MEIS2: variants seen among roughly 807,000 people sequenced by gnomAD.
MEIS2 encodes the protein homeobox protein Meis2.
MEIS2 carries 9 observed loss-of-function variants against 58.6 expected under a neutral mutation model. That is an observed-to-expected ratio of 0.15 (90% CI 0.09 to 0.27). The LOEUF (loss-of-function observed/expected upper bound fraction) is 0.27. Among genes scored for constraint, MEIS2 ranks in the 10% least tolerant of loss-of-function variants. The pLI, the probability that MEIS2 is intolerant of heterozygous loss-of-function variation, is 1.00. For synonymous variants in MEIS2, 221 were observed against 228.4 expected, an observed-to-expected ratio of 0.97 and a Z score of 0.29; for missense variants, 427 against 635.0, an observed-to-expected ratio of 0.67 and a Z score of 3.52.
chr15:36,998,825 C>T (rs1472378939), intron 8 of MEIS2, among the ~76,000 whole-genome samples: 1 of 152,174 alleles, frequency 6.6e-6, no homozygotes, highest in Non-Finnish European at 1.5e-5. Context: ...AGAGATTCCC[C>T]TCCTAACTTA....
chr15:36,894,540 T>C (rs2056066124), intron 11 of MEIS2: 1 of 490,758 alleles, frequency 2.0e-6, no homozygotes, highest in South Asian at 2.4e-5. Flanking sequence ...TTTTCAAAAG[T>C]GCACATCAGT....
At chr15:36,983,719 A>G (rs902525222) in intron 8 of MEIS2, among the ~76,000 whole-genome samples, 3 of 152,080 alleles carry the variant, frequency 2.0e-5, no homozygotes, top group Non-Finnish European at 4.4e-5. Flanking sequence ...CAATGAATCC[A>G]TGGATTGCTT....
At chr15:36,910,873 T>A (rs944448242) in intron 9 of MEIS2, among the ~76,000 whole-genome samples, 2 of 152,006 alleles carry the variant, frequency 1.3e-5, no homozygotes, top group African/African-American at 4.8e-5. Context: ...AGTGAAACCC[T>A]GTCTCTACTA....
intron 7 of MEIS2, among the ~76,000 whole-genome samples, chr15:37,057,528 AT>A (rs1460447646): frequency 6.6e-6 from 1 of 151,934 alleles, no homozygotes; most frequent in African/African-American, 2.4e-5. Flanking sequence ...TACAAACTAC[AT>A]TTTTCCCCCA....
chr15:37,030,347 T>C (rs576600654), intron 8 of MEIS2, among the ~76,000 whole-genome samples: 14 of 152,220 alleles, frequency 9.2e-5, no homozygotes, highest in African/African-American at 3.4e-4. Flanking sequence ...TCTCTCCTAC[T>C]GAGGGGTATT....
chr15:37,096,580 G>T (rs2140096223), intron 2 of MEIS2, 150 bp from the exon 3 acceptor site: 1 of 921,560 alleles, frequency 1.1e-6, no homozygotes, highest in Non-Finnish European at 1.5e-6. Context: ...CCTCCATCAG[G>T]CGAGCCTAAG....
At chr15:36,950,450 G>GTCACT in intron 8 of MEIS2, 50 bp from the exon 9 acceptor site, 1 of 1,536,324 alleles carries the variant, frequency 6.5e-7, no homozygotes, top group Non-Finnish European at 9.0e-7. Flanking sequence ...TTAAGAAAGA[G>GTCACT]TCACTTACTT....
intron 8 of MEIS2, among the ~76,000 whole-genome samples, chr15:36,986,731 T>C (rs970873650): frequency 1.2e-4 from 19 of 152,192 alleles, no homozygotes; most frequent in Admixed American, 2.0e-4. Flanking sequence ...CCTTTTCCTT[T>C]TGTCCTCTCA....
At chr15:37,077,906 G>A (rs1435051983) in intron 7 of MEIS2, among the ~76,000 whole-genome samples, 2 of 152,030 alleles carry the variant, frequency 1.3e-5, no homozygotes, top group African/African-American at 2.4e-5. Context: ...CATCTAACAC[G>A]CCACCAGAGC....
At chr15:37,044,541 T>C (rs1288638649) in intron 7 of MEIS2, among the ~76,000 whole-genome samples, 1 of 152,216 alleles carries the variant, frequency 6.6e-6, no homozygotes, top group Non-Finnish European at 1.5e-5. Flanking sequence ...CCAAGGGATC[T>C]TTCAAGATTC....
intron 7 of MEIS2, among the ~76,000 whole-genome samples, chr15:37,077,707 T>C (rs910285603): frequency 3.3e-5 from 5 of 151,978 alleles, no homozygotes; most frequent in African/African-American, 1.2e-4. Context: ...ATCTGAATTC[T>C]TATACCGAGA....
chr15:37,055,066 A>G (rs1204514022), intron 7 of MEIS2, among the ~76,000 whole-genome samples: 2 of 152,182 alleles, frequency 1.3e-5, no homozygotes, highest in Non-Finnish European at 2.9e-5. Flanking sequence ...CAATTTGCCC[A>G]AGGTCTTATA....
At chr15:36,998,396 C>T (rs4464036) in intron 8 of MEIS2, among the ~76,000 whole-genome samples, 60,086 of 151,356 alleles carry the variant, frequency 0.4, 13,120 homozygotes, top group East Asian at 0.6. Flanking sequence ...AATTCTTTTA[C>T]TTTTTGTAGA....
chr15:36,923,076 T>C (rs2057587042), intron 9 of MEIS2, among the ~76,000 whole-genome samples: 1 of 152,206 alleles, frequency 6.6e-6, no homozygotes, highest in African/African-American at 2.4e-5. Flanking sequence ...GTCAATCTCC[T>C]TAGCAATAAT....
At chr15:37,040,268 C>T (rs1311570541) in intron 7 of MEIS2, among the ~76,000 whole-genome samples, 4 of 152,158 alleles carry the variant, frequency 2.6e-5, no homozygotes, top group Non-Finnish European at 5.9e-5. Flanking sequence ...CTGTTTCTTG[C>T]TTATCTTTTG....
At chr15:36,959,151 C>T (rs1276855723) in intron 8 of MEIS2, among the ~76,000 whole-genome samples, 1 of 152,148 alleles carries the variant, frequency 6.6e-6, no homozygotes. Context: ...TGGCTTTCCT[C>T]TCTTTTAAGA....
intron 9 of MEIS2, among the ~76,000 whole-genome samples, chr15:36,912,211 C>T (rs1425596103): frequency 6.6e-6 from 1 of 152,154 alleles, no homozygotes; most frequent in Non-Finnish European, 1.5e-5. Context: ...CTGCAAAGAC[C>T]ACAGCAACCA....
intron 9 of MEIS2, among the ~76,000 whole-genome samples, chr15:36,933,251 G>C (rs999033009): frequency 1.3e-5 from 2 of 152,166 alleles, no homozygotes; most frequent in African/African-American, 4.8e-5. Context: ...CATCAGAGCA[G>C]TGCGGCTTTC....
chr15:37,013,505 G>A (rs1311208383), intron 8 of MEIS2, among the ~76,000 whole-genome samples: 1 of 151,390 alleles, frequency 6.6e-6, no homozygotes, highest in Non-Finnish European at 1.5e-5. Context: ...CCAGGAGGCA[G>A]AGATTGCAGT....
Sources: gnomAD v4.1 joint callset for allele counts (sites outside exome capture counted in the v4.1 genomes callset) on GRCh38, gnomAD v4.1.1 for gene constraint, MANE v1.5 for transcripts, NCBI Gene and HGNC (gene_info 2026-07-23, HGNC 2026-07-21) for gene names.